UBAP1: variants seen among roughly 807,000 people sequenced by gnomAD.
UBAP1 encodes ubiquitin-associated protein 1.
UBAP1 carries 5 observed loss-of-function variants against 39.0 expected under a neutral mutation model. The ratio of observed to expected loss-of-function variants is 0.13; its 90% CI spans 0.07 to 0.27. The LOEUF (loss-of-function observed/expected upper bound fraction) is 0.27. UBAP1 is among the 10% of genes least tolerant of loss of function. The probability of loss-of-function intolerance (pLI) is 1.00; values close to 1 mark genes in which losing one functional copy is unlikely to be tolerated. For missense variants in UBAP1, 490 were observed against 608.1 expected (o/e 0.81, Z 2.04); for synonymous variants, 211 against 225.1 (o/e 0.94, Z 0.56).
At chr9:34,202,420 C>A (rs1219191536) in intron 1 of UBAP1, among the ~76,000 whole-genome samples, 1 of 152,050 alleles carries the variant, frequency 6.6e-6, no homozygotes, top group African/African-American at 2.4e-5. Context: ...GAGTGAGCCA[C>A]CCTGCCCTGC....
At chr9:34,219,730 CCCCCTCCCCCTT>C (rs1832562968) in intron 1 of UBAP1, among the ~76,000 whole-genome samples, 1 of 63,562 alleles carries the variant, frequency 1.6e-5, no homozygotes, top group Admixed American at 1.4e-4. Flanking sequence ...CCCCTCCCCT[CCCCCTCCCCCTT>C]CCCCTCCCCT....
intron 2 of UBAP1, among the ~76,000 whole-genome samples, chr9:34,228,687 A>C (rs956054667): frequency 6.8e-6 from 1 of 147,280 alleles, no homozygotes; most frequent in African/African-American, 2.5e-5. Flanking sequence ...CTCCTGCCTC[A>C]GTTTCCCGAG....
intron 4 of UBAP1, among the ~76,000 whole-genome samples, chr9:34,243,873 A>G (rs540429888): frequency 8.8e-4 from 134 of 151,952 alleles, no homozygotes; most frequent in African/African-American, 3.0e-3. Flanking sequence ...TTTCTTCAAC[A>G]GAGTCTCGCT....
intron 1 of UBAP1, among the ~76,000 whole-genome samples, chr9:34,215,909 A>G (rs1057136434): frequency 1.3e-5 from 2 of 152,072 alleles, no homozygotes; most frequent in South Asian, 2.1e-4. Context: ...GTGCCCAAAT[A>G]TAGATTTCTC....
In UBAP1 at chr9:34,179,259, T is replaced by G. The variant is rs1563878168; in HGVS notation, c.-8+19T>G. Reference sequence around the variant, plus strand: ...CATTCAGGTGAGGGGGGCCTCCCTCTGGGGGAGGGGGAAGAGGGGCGGAGT... The same window carrying G: ...CATTCAGGTGAGGGGGGCCTCCCTCGGGGGGAGGGGGAAGAGGGGCGGAGT... On this transcript the variant is annotated intron_variant, in intron 1 of 6. Coordinates refer to ENST00000297661, the MANE Select transcript of UBAP1 (RefSeq NM_016525.5). 3.1e-5 allele frequency: 5 copies of G among 162,366 alleles called. No homozygotes were observed. Among genetic ancestry groups the G allele is most frequent in the Non-Finnish European group, 3.6e-5 (5 of 138,440 alleles). 10.1% of individuals were successfully genotyped at this position (162,366 alleles called of 1,614,324 possible).
At chr9:34,212,476 T>G (rs995069758) in intron 1 of UBAP1, among the ~76,000 whole-genome samples, 4 of 151,790 alleles carry the variant, frequency 2.6e-5, no homozygotes, top group African/African-American at 7.3e-5. Flanking sequence ...AAAATAATTT[T>G]TTTAGTTCCA....
intron 3 of UBAP1, among the ~76,000 whole-genome samples, chr9:34,238,555 G>A (rs1479860461): frequency 6.6e-6 from 1 of 152,096 alleles, no homozygotes; most frequent in African/African-American, 2.4e-5. Context: ...CATTCTTGTG[G>A]GTGAGAAGTT....
At chr9:34,197,844 T>C (rs560493226) in intron 1 of UBAP1, among the ~76,000 whole-genome samples, 134 of 152,334 alleles carry the variant, frequency 8.8e-4, no homozygotes, top group African/African-American at 3.0e-3. Context: ...GCCACTACAC[T>C]TGGCCTCCTT....
intron 4 of UBAP1, among the ~76,000 whole-genome samples, chr9:34,243,736 C>T (rs1259895729): frequency 5.9e-5 from 9 of 151,996 alleles, no homozygotes; most frequent in South Asian, 4.1e-4. Flanking sequence ...GTGATCCACC[C>T]GCCTCAGCCT....
intron 1 of UBAP1, among the ~76,000 whole-genome samples, chr9:34,215,227 G>A (rs1161349260): frequency 6.6e-6 from 1 of 151,954 alleles, no homozygotes; most frequent in Non-Finnish European, 1.5e-5. Flanking sequence ...CAACCCAAAT[G>A]CCTATCAACG....
At chr9:34,224,473 G>C in intron 2 of UBAP1, 1 of 389,442 alleles carries the variant, frequency 2.6e-6, no homozygotes, top group Non-Finnish European at 4.9e-6. Context: ...GGTATTTCTT[G>C]TTACCTCCTC....
At chr9:34,193,426 G>A (rs917532054) in intron 1 of UBAP1, among the ~76,000 whole-genome samples, 5 of 152,122 alleles carry the variant, frequency 3.3e-5, no homozygotes, top group African/African-American at 7.2e-5. Context: ...GACCAAAAGT[G>A]TGGGGGTTTT....
At chr9:34,249,004 G>A (rs547578265) in intron 4 of UBAP1, among the ~76,000 whole-genome samples, 163 of 152,204 alleles carry the variant, frequency 1.1e-3, no homozygotes, top group Middle Eastern at 0.01. Flanking sequence ...AGTTAATCAC[G>A]GCACTCTGTA....
chr9:34,213,864 C>T (rs1332574394), intron 1 of UBAP1, among the ~76,000 whole-genome samples: 1 of 151,824 alleles, frequency 6.6e-6, no homozygotes, highest in Non-Finnish European at 1.5e-5. Context: ...AGAAGCTCTT[C>T]TATACACCAA....
At chr9:34,181,116 C>CTTTCTTTTT (rs1193356334) in intron 1 of UBAP1, among the ~76,000 whole-genome samples, 5,841 of 72,042 alleles carry the variant, frequency 0.081, 843 homozygotes, top group South Asian at 0.13. Flanking sequence ...GGCCTGTTTT[C>CTTTCTTTTT]TTTTTTTTTT....
intron 2 of UBAP1, among the ~76,000 whole-genome samples, chr9:34,222,389 G>A (rs945521887): frequency 6.6e-6 from 1 of 152,076 alleles, no homozygotes; most frequent in African/African-American, 2.4e-5. Context: ...TTCAAACTCT[G>A]GAATTAGCAT....
At chr9:34,218,120 C>T (rs1178524146) in intron 1 of UBAP1, among the ~76,000 whole-genome samples, 3 of 149,878 alleles carry the variant, frequency 2.0e-5, no homozygotes, top group Non-Finnish European at 3.0e-5. Context: ...GGCGTGGTGG[C>T]GGGGGCCTGT....
intron 1 of UBAP1, among the ~76,000 whole-genome samples, chr9:34,214,675 A>G (rs1463636179): frequency 6.6e-6 from 1 of 152,248 alleles, no homozygotes; most frequent in Non-Finnish European, 1.5e-5. Flanking sequence ...TTTGCACAGT[A>G]AAAGGAATAG....
Position 34,252,095 on chromosome 9 carries a change from C to T in UBAP1, c.*563C>T, listed in dbSNP as rs1309789628. The stretch of plus-strand genomic sequence containing the variant: ...AAAGAATGCACTTTTCCCTATGGGG[C>T]CCAGAGTTTGCCTTTTCTGCCAGGC... On this transcript the variant is annotated 3_prime_UTR_variant, in exon 7 of 7. Transcript: ENST00000297661. The T allele has an allele frequency of 6.5e-6, 1 of 152,798 alleles. No homozygotes were observed. The highest frequency in any genetic ancestry group is 1.5e-5 in the Non-Finnish European group (1 of 68,164). 9.5% of individuals were successfully genotyped at this position (152,798 alleles called of 1,614,324 possible).
Sources: allele counts gnomAD v4.1 joint callset (sites outside exome capture counted in the v4.1 genomes callset), GRCh38; gene constraint gnomAD v4.1.1; transcripts MANE v1.5; gene names NCBI Gene and HGNC (gene_info 2026-07-23, HGNC 2026-07-21).